ZNF536: variants seen among roughly 807,000 people sequenced by gnomAD.
ZNF536 encodes the protein zinc finger protein 536.
Under a neutral mutation model 84.5 loss-of-function variants are expected in ZNF536, and 13 were observed. The ratio of observed to expected loss-of-function variants is 0.15; its 90% CI spans 0.10 to 0.24. The LOEUF (loss-of-function observed/expected upper bound fraction) is 0.24. ZNF536 is among the 10% of genes least tolerant of loss of function. The probability of loss-of-function intolerance (pLI) is 1.00; values close to 1 mark genes in which losing one functional copy is unlikely to be tolerated. For synonymous variants in ZNF536, 811 were observed against 742.5 expected, an observed-to-expected ratio of 1.09 and a Z score of -1.50; for missense variants, 1,536 against 1,747.5, an observed-to-expected ratio of 0.88 and a Z score of 2.16.
At chr19:30,614,761 T>G (rs2048222065) in intron 1 of ZNF536, among the ~76,000 whole-genome samples, 2 of 151,804 alleles carry the variant, frequency 1.3e-5, no homozygotes, top group Non-Finnish European at 1.5e-5. Flanking sequence ...ATTTCTGTCA[T>G]TTATGTTGTA....
At chr19:30,345,349 A>G (rs2047708154) in intron 2 of ZNF536, among the ~76,000 whole-genome samples, 1 of 152,222 alleles carries the variant, frequency 6.6e-6, no homozygotes, top group South Asian at 2.1e-4. Flanking sequence ...TGAACCAGCT[A>G]TGTCTCTGTT....
At position 30,379,257 on chromosome 19, in the gene ZNF536, C is replaced by A. The variant is rs147923078; in HGVS notation, c.-3+6701C>A. ...TTTGTGAGGGTCCAGTTGGTCCTGG[C>A]CACTTCCTGAATGGCCTCTGTGTTG... On this transcript the variant is annotated intron_variant, in intron 1 of 4. Coordinates refer to ENST00000355537, the MANE Select transcript of ZNF536 (RefSeq NM_014717.3). Among the ~76,000 whole-genome samples, 8 of 152,210 alleles carry A rather than the reference C, an allele frequency of 5.3e-5. No homozygotes were observed. The East Asian group carries it at 1.6e-3, about 30-fold the overall frequency.
At chr19:30,279,646 C>T (rs767192758) in intron 1 of ZNF536, among the ~76,000 whole-genome samples, 23 of 152,150 alleles carry the variant, frequency 1.5e-4, no homozygotes, top group Non-Finnish European at 3.2e-4. Context: ...GGGAAGTTGC[C>T]AGCACCCAGG....
At chr19:30,513,393 G>A (rs867468615) in intron 2 of ZNF536, among the ~76,000 whole-genome samples, 10 of 152,286 alleles carry the variant, frequency 6.6e-5, no homozygotes, top group Non-Finnish European at 1.0e-4. Flanking sequence ...AGGACAGCAG[G>A]CACCTTTTTC....
chr19:30,477,949 C>T lies in ZNF536; in HGVS notation c.2170+32217C>T, dbSNP rs1229486727. Among the ~76,000 whole-genome samples, 3 of 152,152 alleles carry T rather than the reference C, an allele frequency of 2.0e-5. No individual in the cohort carries two copies. The East Asian group carries it at 5.8e-4, about 29-fold the overall frequency. ...TCTCTAGCACTGAAGAAAAATAGTCCTTTTTTCCTTTTTCTTTTTAGAAAA... is the reference window on the plus strand; with the variant it reads ...TCTCTAGCACTGAAGAAAAATAGTCTTTTTTTCCTTTTTCTTTTTAGAAAA... On this transcript the variant is annotated intron_variant, in intron 2 of 4. Coordinates refer to ENST00000355537, the MANE Select transcript of ZNF536 (RefSeq NM_014717.3).
chr19:30,467,549 C>T (rs1185543682), intron 2 of ZNF536, among the ~76,000 whole-genome samples: 1 of 152,154 alleles, frequency 6.6e-6, no homozygotes, highest in Non-Finnish European at 1.5e-5. Flanking sequence ...TGTTTCAGTA[C>T]ACACTTGAAT....
At position 30,260,359 on chromosome 19, in the gene ZNF536, T is replaced by C. The variant is rs528268676; in HGVS notation, c.-189-23713T>C. On this transcript the variant is annotated intron_variant, in intron 1 of 5. Coordinates refer to the ZNF536 transcript ENST00000585628. Reference sequence around the variant, plus strand: ...CTGTCCAGGAAATATCTGCATTTTATGGAGTCATTAGAGTTGTCTGTTTAG... The same window carrying C: ...CTGTCCAGGAAATATCTGCATTTTACGGAGTCATTAGAGTTGTCTGTTTAG... Among the ~76,000 whole-genome samples, 48 of 152,336 alleles carry C rather than the reference T, an allele frequency of 3.2e-4. No individual in the cohort carries two copies. The South Asian group carries it at 9.9e-3, about 32-fold the overall frequency.
At chr19:30,357,556 T>G (rs1157804164) in intron 3 of ZNF536, among the ~76,000 whole-genome samples, 3 of 152,148 alleles carry the variant, frequency 2.0e-5, no homozygotes, top group Non-Finnish European at 4.4e-5. Context: ...GGATTGGCTC[T>G]TGGTGGCCTT....
intron 2 of ZNF536, among the ~76,000 whole-genome samples, chr19:30,523,696 T>TA (rs1246036635): frequency 6.6e-6 from 1 of 152,114 alleles, no homozygotes; most frequent in African/African-American, 2.4e-5. Flanking sequence ...ATTTTTTTTT[T>TA]TAATGCCTGC....
intron 3 of ZNF536, chr19:30,352,495 C>T (rs1484975937): frequency 1.3e-5 from 2 of 152,220 alleles, no homozygotes; most frequent in Admixed American, 6.5e-5. Context: ...GTAAGTCTTA[C>T]GATATTAGAA....
intron 2 of ZNF536, among the ~76,000 whole-genome samples, chr19:30,340,506 A>G (rs2047532423): frequency 6.6e-6 from 1 of 152,214 alleles, no homozygotes; most frequent in East Asian, 1.9e-4. Context: ...CTTTTTATAT[A>G]TATCTCAGAG....
chr19:30,432,973 T>C (rs1235997336), intron 1 of ZNF536, among the ~76,000 whole-genome samples: 1 of 152,140 alleles, frequency 6.6e-6, no homozygotes, highest in Non-Finnish European at 1.5e-5. Context: ...GAGGCGTGCA[T>C]GTTATGTTCT....
At chr19:30,616,907 A>G (rs1269674944) in intron 1 of ZNF536, among the ~76,000 whole-genome samples, 1 of 152,156 alleles carries the variant, frequency 6.6e-6, no homozygotes, top group African/African-American at 2.4e-5. Context: ...ACAAAAAGGC[A>G]TTAACTTAAT....
At chr19:30,697,150 C>T (rs918538672) in intron 1 of ZNF536, among the ~76,000 whole-genome samples, 1 of 152,112 alleles carries the variant, frequency 6.6e-6, no homozygotes, top group Non-Finnish European at 1.5e-5. Flanking sequence ...GTGGGAACTG[C>T]CAAACACTTT....
chr19:30,381,092 G>A (rs1275955236), intron 1 of ZNF536, among the ~76,000 whole-genome samples: 1 of 152,068 alleles, frequency 6.6e-6, no homozygotes, highest in Non-Finnish European at 1.5e-5. Flanking sequence ...TGCCCAAGTT[G>A]GTCTTGAACT....
At chr19:30,569,329 A>G (rs1007916751) in intron 1 of ZNF536, among the ~76,000 whole-genome samples, 4 of 152,054 alleles carry the variant, frequency 2.6e-5, no homozygotes, top group African/African-American at 7.2e-5. Context: ...AGATGCATCC[A>G]TTCTTTGAAA....
At chr19:30,360,962 C>T (rs1308667672) in intron 3 of ZNF536, among the ~76,000 whole-genome samples, 5 of 152,218 alleles carry the variant, frequency 3.3e-5, no homozygotes, top group African/African-American at 1.2e-4. Context: ...TCTGGGTAGC[C>T]TGCTCACAGC....
rs549201909 is a variant in ZNF536 at position 30,631,005 on chromosome 19, G to C, written c.170-79752G>C. The stretch of plus-strand genomic sequence containing the variant: ...CGCTCCTAGATCAAGCCCCTCCCTC[G>C]AGGTGTGCTTGTGTGTATTTGGAAG... On this transcript the variant is annotated intron_variant, in intron 1 of 1. Transcript: ENST00000592773. 4.6e-5 allele frequency among the ~76,000 whole-genome samples: 7 copies of C among 152,234 alleles called. No homozygotes were observed. The South Asian group carries it at 1.5e-3, about 32-fold the overall frequency.
At chr19:30,631,807 C>A (rs1050274847) in intron 1 of ZNF536, among the ~76,000 whole-genome samples, 2 of 152,182 alleles carry the variant, frequency 1.3e-5, no homozygotes, top group African/African-American at 4.8e-5. Context: ...ACATTCTGTT[C>A]TTCAGCTTTA....
Sources: gnomAD v4.1 joint callset for allele counts (sites outside exome capture counted in the v4.1 genomes callset) on GRCh38, gnomAD v4.1.1 for gene constraint, MANE v1.5 for transcripts, NCBI Gene and HGNC (gene_info 2026-07-23, HGNC 2026-07-21) for gene names.